GRM1: variants seen among roughly 807,000 people sequenced by gnomAD.
GRM1 encodes the protein glutamate metabotropic receptor 1.
A neutral mutation model predicts 90.9 loss-of-function variants in GRM1; 33 were observed. The ratio of observed to expected loss-of-function variants is 0.36; its 90% CI spans 0.28 to 0.49. The LOEUF (loss-of-function observed/expected upper bound fraction) is 0.49, where lower values mean the gene tolerates loss of function less well. Ranked by LOEUF, GRM1 falls within the 20% of genes least tolerant of loss-of-function variation. The pLI is 0.99. For synonymous variants in GRM1, 700 were observed against 613.2 expected (o/e 1.14, Z -2.09); for missense variants, 1,190 against 1,534.3 (o/e 0.78, Z 3.75).
chr6:146,181,429 C>T (rs1284621822), intron 2 of GRM1, among the ~76,000 whole-genome samples: 1 of 152,130 alleles, frequency 6.6e-6, no homozygotes, highest in Admixed American at 6.5e-5. Flanking sequence ...CTCAAAATAA[C>T]TTTCAATCTT....
chr6:146,171,089 T>A (rs1264752110), intron 2 of GRM1, among the ~76,000 whole-genome samples: 2 of 152,140 alleles, frequency 1.3e-5, no homozygotes, highest in Non-Finnish European at 2.9e-5. Context: ...ATTTGATGAC[T>A]TATCCAGAGC....
intron 1 of GRM1, among the ~76,000 whole-genome samples, chr6:146,082,010 G>A (rs935725363): frequency 6.6e-6 from 1 of 152,158 alleles, no homozygotes; most frequent in Non-Finnish European, 1.5e-5. Flanking sequence ...TTCTTAGGAA[G>A]AACATATGCT....
At chr6:146,249,619 G>A (rs1392205870) in intron 2 of GRM1, among the ~76,000 whole-genome samples, 4 of 152,148 alleles carry the variant, frequency 2.6e-5, no homozygotes, top group African/African-American at 4.8e-5. Flanking sequence ...CGCAGGGGTG[G>A]GGCAGAGACC....
Position 146,434,410 on chromosome 6 carries a change from C to T in GRM1, c.3199C>T (p.Pro1067Ser), listed in dbSNP as rs1277485934. 6.2e-7 allele frequency: 1 copy of T among 1,613,314 alleles called. No individual in the cohort carries two copies. Among genetic ancestry groups the T allele is most frequent in the East Asian group, 2.2e-5 (1 of 44,868 alleles). ...CGGGAACGGGCTGCGGTCCCTGTAC[C>T]CGCCCCCGCCACCTCCGCAGCACCT... is the stretch of plus-strand genomic sequence containing the variant. ...GPGNGLRSLY[P>S]PPPPPQHLQM... The change falls in exon 8 of 8, where the codon CCG becomes TCG. Residue 1067 changes from proline to serine, a missense_variant. Around this residue, in one of 10 missense-constraint regions of GRM1, gnomAD observed 400 missense variants for 360.8 expected, o/e 1.11. Coordinates refer to ENST00000282753, the MANE Select transcript of GRM1 (RefSeq NM_001278064.2).
At chr6:146,336,001 G>A (rs1784760955) in intron 3 of GRM1, among the ~76,000 whole-genome samples, 1 of 152,146 alleles carries the variant, frequency 6.6e-6, no homozygotes, top group Non-Finnish European at 1.5e-5. Flanking sequence ...ATGTGCCTTT[G>A]CTCCTCCTTC....
At chr6:146,084,698 A>G (rs1322060504) in intron 1 of GRM1, among the ~76,000 whole-genome samples, 1 of 152,184 alleles carries the variant, frequency 6.6e-6, no homozygotes, top group Non-Finnish European at 1.5e-5. Context: ...TGGCACTGGG[A>G]AGAATGCATA....
intron 2 of GRM1, among the ~76,000 whole-genome samples, chr6:146,283,594 G>T (rs747011162): frequency 2.0e-5 from 3 of 152,140 alleles, no homozygotes; most frequent in Non-Finnish European, 4.4e-5. Flanking sequence ...TGTATCCTTA[G>T]AAAAAGAGTG....
chr6:146,123,756 C>A (rs1776092264), intron 1 of GRM1, among the ~76,000 whole-genome samples: 1 of 152,162 alleles, frequency 6.6e-6, no homozygotes. Flanking sequence ...TTTTTACCAG[C>A]AATCTGATCC....
chr6:146,071,548 A>G (rs1023327594), intron 1 of GRM1, among the ~76,000 whole-genome samples: 2 of 152,206 alleles, frequency 1.3e-5, no homozygotes, highest in African/African-American at 4.8e-5. Context: ...ACTTTTTGGA[A>G]GAGCATGGTT....
intron 1 of GRM1, among the ~76,000 whole-genome samples, chr6:146,096,855 T>A (rs1776890781): frequency 6.6e-6 from 1 of 152,196 alleles, no homozygotes; most frequent in Non-Finnish European, 1.5e-5. Context: ...TAATGTTATC[T>A]ACTGAAATAC....
chr6:146,318,730 T>G lies in GRM1; in HGVS notation c.1186+13884T>G, dbSNP rs557899870. ...AAGAGATGGTATCTCATTGAGGTTT[T>G]GATTTGCATTTCTCTAGTGGCCAGT... On this transcript the variant is annotated intron_variant, in intron 3 of 7. Transcript: ENST00000282753. 4.5e-3 allele frequency among the ~76,000 whole-genome samples: 681 copies of G among 152,342 alleles called. 3 individuals are homozygous for G. Among genetic ancestry groups the G allele is most frequent in the African/African-American group, 0.015 (616 of 41,582 alleles).
intron 1 of GRM1, among the ~76,000 whole-genome samples, chr6:146,103,858 G>A (rs1583006306): frequency 6.6e-6 from 1 of 152,218 alleles, no homozygotes; most frequent in African/African-American, 2.4e-5. Context: ...AACATCGTAA[G>A]TGCTATTGTG....
chr6:146,349,137 GCTCA>G (rs1289117130), intron 3 of GRM1, among the ~76,000 whole-genome samples: 1 of 150,232 alleles, frequency 6.7e-6, no homozygotes, highest in African/African-American at 2.4e-5. Flanking sequence ...CGCGATCTCG[GCTCA>G]CTACAAGCTC....
At chr6:146,339,962 A>C (rs1784910768) in intron 3 of GRM1, among the ~76,000 whole-genome samples, 2 of 152,204 alleles carry the variant, frequency 1.3e-5, no homozygotes, top group African/African-American at 4.8e-5. Flanking sequence ...TCCTTAATGA[A>C]CACAGTTTGA....
intron 5 of GRM1, among the ~76,000 whole-genome samples, chr6:146,365,683 C>T (rs964964924): frequency 2.6e-5 from 4 of 152,130 alleles, no homozygotes; most frequent in African/African-American, 9.7e-5. Flanking sequence ...TCCCCTCTGC[C>T]TAGAACACTC....
At chr6:146,152,497 C>G (rs897779458) in intron 1 of GRM1, among the ~76,000 whole-genome samples, 1 of 152,038 alleles carries the variant, frequency 6.6e-6, no homozygotes, top group South Asian at 2.1e-4. Flanking sequence ...ATGGAGGAAG[C>G]AGTACAAAAT....
At chr6:146,373,508 C>A (rs771956391) in intron 5 of GRM1, among the ~76,000 whole-genome samples, 1 of 152,040 alleles carries the variant, frequency 6.6e-6, no homozygotes, top group African/African-American at 2.4e-5. Context: ...TTAGAAACCA[C>A]CCCCATGAGT....
At chr6:146,247,007 A>T (rs1207536597) in intron 2 of GRM1, among the ~76,000 whole-genome samples, 1 of 152,216 alleles carries the variant, frequency 6.6e-6, no homozygotes, top group Non-Finnish European at 1.5e-5. Flanking sequence ...ACATTCAGGA[A>T]TCAGGAAAAT....
At chr6:146,028,166 C>A (rs768810011), upstream of GRM1, among the ~76,000 whole-genome samples, 3 of 151,524 alleles carry the variant, frequency 2.0e-5, no homozygotes, top group Non-Finnish European at 4.4e-5. Flanking sequence ...TGGATATATA[C>A]CTGCACAAGC....
Sources: allele counts gnomAD v4.1 joint callset (sites outside exome capture counted in the v4.1 genomes callset), GRCh38; gene constraint gnomAD v4.1.1; regional missense constraint gnomAD v4.1.1; transcripts MANE v1.5; gene names NCBI Gene and HGNC (gene_info 2026-07-23, HGNC 2026-07-21).